Variants in TNFAIP8 observed in about 807,000 individuals in gnomAD.
The protein encoded by TNFAIP8 is tumor necrosis factor alpha-induced protein 8.
A neutral mutation model predicts 13.3 loss-of-function variants in TNFAIP8; 7 were observed. The ratio of observed to expected loss-of-function variants is 0.52; its 90% CI spans 0.30 to 0.99. The LOEUF is 0.99. TNFAIP8 is among the 50% of genes least tolerant of loss of function. The probability of loss-of-function intolerance (pLI) is 0.07; values close to 1 mark genes in which losing one functional copy is unlikely to be tolerated. For synonymous variants in TNFAIP8, 94 were observed against 87.6 expected, an observed-to-expected ratio of 1.07 and a Z score of -0.41; for missense variants, 258 against 236.9, an observed-to-expected ratio of 1.09 and a Z score of -0.58.
intron 1 of TNFAIP8, among the ~76,000 whole-genome samples, chr5:119,272,248 A>G: frequency 6.6e-6 from 1 of 152,188 alleles, no homozygotes; most frequent in East Asian, 1.9e-4. Flanking sequence ...GGAGGTGTCC[A>G]TCTCCTTAAG....
intron 1 of TNFAIP8, chr5:119,391,394 G>T (rs113922369): frequency 6.8e-5 from 48 of 702,412 alleles, no homozygotes; most frequent in African/African-American, 4.7e-4. Flanking sequence ...CATATATGGA[G>T]AGAACAGTTG....
chr5:119,315,119 G>T (rs576950160), intron 1 of TNFAIP8, among the ~76,000 whole-genome samples: 1 of 152,296 alleles, frequency 6.6e-6, no homozygotes, highest in African/African-American at 2.4e-5. Flanking sequence ...GTCTCTCTTT[G>T]TTGCCCAGGC....
At chr5:119,343,599 C>T (rs1750808456) in intron 1 of TNFAIP8, among the ~76,000 whole-genome samples, 1 of 152,166 alleles carries the variant, frequency 6.6e-6, no homozygotes, top group East Asian at 1.9e-4. Flanking sequence ...AAGTGTCCAG[C>T]ATGCATTGTA....
rs993821543 is a variant in TNFAIP8 at position 119,361,240 on chromosome 5, C to T, written c.31+5119C>T. Among the ~76,000 whole-genome samples, 5 of 152,262 alleles carry T rather than the reference C, an allele frequency of 3.3e-5. No homozygotes were observed. In the East Asian group the frequency reaches 9.6e-4, roughly 29 times the overall value. ...GCGGGGCTGCAGCGCACTGCCCCCCCAGCCGCTGACCAAGATATCTGAAAG... is the reference window on the plus strand; with the variant it reads ...GCGGGGCTGCAGCGCACTGCCCCCCTAGCCGCTGACCAAGATATCTGAAAG... On this transcript the variant is annotated intron_variant, in intron 1 of 1. Coordinates refer to ENST00000504771, the MANE Select transcript of TNFAIP8 (RefSeq NM_014350.4).
At chr5:119,306,874 T>A (rs112620893) in intron 1 of TNFAIP8, among the ~76,000 whole-genome samples, 3,368 of 152,264 alleles carry the variant, frequency 0.022, 128 homozygotes, top group African/African-American at 0.078. Context: ...ATAAGACATC[T>A]TTCTCTTTTT....
chr5:119,395,552 TG>T lies in TNFAIP8; in HGVS notation c.*2176del, dbSNP rs1406945573. The T allele has an allele frequency of 6.6e-6, 1 of 152,044 alleles. No homozygotes were observed. The highest frequency in any genetic ancestry group is 1.5e-5 in the Non-Finnish European group (1 of 68,052). The allele number at this position is 152,044 out of a possible 1,614,324, so 9.4% of individuals were successfully genotyped here. Reference sequence around the variant, plus strand: ...GCTAGCAATCAAATGTGCATGGGATTGGGGGAGCAATGCTTCATCTCCCACA... The same window carrying T: ...GCTAGCAATCAAATGTGCATGGGATTGGGGAGCAATGCTTCATCTCCCACA... On this transcript the variant is annotated 3_prime_UTR_variant, in exon 2 of 2. Transcript: ENST00000504771.
chr5:119,334,050 T>C (rs1750467918), intron 1 of TNFAIP8, among the ~76,000 whole-genome samples: 2 of 151,238 alleles, frequency 1.3e-5, no homozygotes, highest in Admixed American at 6.6e-5. Context: ...GGTAACACCG[T>C]GGGGCAACCC....
chr5:119,327,796 GTTA>G (rs1192678243), intron 1 of TNFAIP8, among the ~76,000 whole-genome samples: 1 of 152,076 alleles, frequency 6.6e-6, no homozygotes. Context: ...TAGGAAGGAG[GTTA>G]TTATTATATT....
In TNFAIP8 at chr5:119,394,799, G is replaced by T. The variant is rs941309586; in HGVS notation, c.*1418G>T. ...TTTTTGTATTTTTAGTCGAGATGGG[G>T]TTTCACCATGTTGCCCAGGCTGGTC... On this transcript the variant is annotated 3_prime_UTR_variant, in exon 2 of 2. Transcript: ENST00000504771. 6.6e-6 allele frequency: 1 copy of T among 151,940 alleles called. No homozygotes were observed. The highest frequency in any genetic ancestry group is 1.5e-5 in the Non-Finnish European group (1 of 68,042). The allele number at this position is 151,940 out of a possible 1,614,324, so 9.4% of individuals were successfully genotyped here.
intron 1 of TNFAIP8, among the ~76,000 whole-genome samples, chr5:119,287,289 T>TTG (rs753034546): frequency 7.1e-6 from 1 of 141,816 alleles, no homozygotes; most frequent in East Asian, 2.1e-4. Flanking sequence ...AGTTTTTTTT[T>TTG]TTTTTTTTTT....
upstream of TNFAIP8, among the ~76,000 whole-genome samples, chr5:119,353,115 C>A (rs146926561): frequency 1.3e-5 from 2 of 152,084 alleles, no homozygotes; most frequent in Non-Finnish European, 2.9e-5. Context: ...TTGTATCAGG[C>A]GGGCGGTAAT....
intron 1 of TNFAIP8, among the ~76,000 whole-genome samples, chr5:119,368,223 C>G (rs1223534395): frequency 2.6e-5 from 4 of 152,148 alleles, no homozygotes; most frequent in Non-Finnish European, 5.9e-5. Context: ...CAGGTAGTCA[C>G]TTAGCAACTT....
At chr5:119,270,627 A>C (rs1237402414) in intron 1 of TNFAIP8, among the ~76,000 whole-genome samples, 1 of 152,196 alleles carries the variant, frequency 6.6e-6, no homozygotes, top group East Asian at 1.9e-4. Flanking sequence ...CTCCATACAC[A>C]TTAATTGCCT....
chr5:119,383,341 C>T (rs1300987879), intron 1 of TNFAIP8, among the ~76,000 whole-genome samples: 2 of 152,150 alleles, frequency 1.3e-5, no homozygotes, highest in Non-Finnish European at 2.9e-5. Flanking sequence ...GCACTGTTTC[C>T]AAAAGTATTC....
At chr5:119,291,188 G>T (rs1748976589) in intron 1 of TNFAIP8, among the ~76,000 whole-genome samples, 1 of 152,168 alleles carries the variant, frequency 6.6e-6, no homozygotes. Context: ...AACTTTTCGT[G>T]TATTTATCTT....
At chr5:119,322,166 C>A (rs1232377504) in intron 1 of TNFAIP8, among the ~76,000 whole-genome samples, 1 of 152,220 alleles carries the variant, frequency 6.6e-6, no homozygotes, top group Non-Finnish European at 1.5e-5. Context: ...ACTCTCTAGC[C>A]CCTGCCTCTG....
intron 1 of TNFAIP8, among the ~76,000 whole-genome samples, chr5:119,340,952 G>A (rs938205004): frequency 2.6e-5 from 4 of 152,142 alleles, no homozygotes; most frequent in Non-Finnish European, 4.4e-5. Flanking sequence ...TCCAGATGTC[G>A]GGGTATTGTG....
At chr5:119,372,118 C>T (rs1361739626) in intron 1 of TNFAIP8, among the ~76,000 whole-genome samples, 1 of 148,320 alleles carries the variant, frequency 6.7e-6, no homozygotes, top group Admixed American at 6.7e-5. Flanking sequence ...GCCTGGGCGA[C>T]AGAGCAAGAC....
At chr5:119,299,418 A>G (rs1465449611) in intron 1 of TNFAIP8, among the ~76,000 whole-genome samples, 1 of 152,160 alleles carries the variant, frequency 6.6e-6, no homozygotes, top group Non-Finnish European at 1.5e-5. Flanking sequence ...GCTGCAGAAC[A>G]GTGGATTTTC....
Sources: allele counts gnomAD v4.1 joint callset (sites outside exome capture counted in the v4.1 genomes callset), GRCh38; gene constraint gnomAD v4.1.1; transcripts MANE v1.5; gene names NCBI Gene and HGNC (gene_info 2026-07-23, HGNC 2026-07-21).